FRYL: variants seen among roughly 807,000 people sequenced by gnomAD.
FRYL encodes protein furry homolog-like.
In FRYL, 150 loss-of-function variants were observed where a neutral mutation model predicts 351.2. That is an observed-to-expected ratio of 0.43 (90% CI 0.37 to 0.49). The LOEUF (loss-of-function observed/expected upper bound fraction) is 0.49. Ranked by LOEUF, FRYL falls within the 20% of genes least tolerant of loss-of-function variation. FRYL has a pLI of 0.00. For missense variants in FRYL, 3,036 were observed against 3,619.3 expected, an observed-to-expected ratio of 0.84 and a Z score of 4.13; for synonymous variants, 1,153 against 1,257.1, an observed-to-expected ratio of 0.92 and a Z score of 1.75.
intron 1 of FRYL, among the ~76,000 whole-genome samples, chr4:48,772,989 C>G (rs905163713): frequency 1.9e-4 from 29 of 152,098 alleles, no homozygotes; most frequent in African/African-American, 7.0e-4. Flanking sequence ...CTGGAAAGAT[C>G]AAGGAAGCAC....
At chr4:48,760,117 A>G (rs1774245295) in intron 1 of FRYL, among the ~76,000 whole-genome samples, 1 of 151,916 alleles carries the variant, frequency 6.6e-6, no homozygotes, top group Non-Finnish European at 1.5e-5. Flanking sequence ...GTACAACAGA[A>G]CCAAGATTCA....
chr4:48,648,610 T>A (rs951354825), intron 3 of FRYL, among the ~76,000 whole-genome samples: 10 of 152,208 alleles, frequency 6.6e-5, no homozygotes, highest in African/African-American at 2.2e-4. Context: ...CTTTTGCTTA[T>A]CTGAGCCCCA....
At chr4:48,609,276 C>T (rs1222909066) in intron 8 of FRYL, among the ~76,000 whole-genome samples, 1 of 152,136 alleles carries the variant, frequency 6.6e-6, no homozygotes, top group Non-Finnish European at 1.5e-5. Context: ...ATCTGTAGTA[C>T]TAAGAATTAT....
chr4:48,582,435 A>T, intron 20 of FRYL, 62 bp downstream of exon 20: 1 of 1,006,280 alleles, frequency 9.9e-7, no homozygotes. Context: ...TCTGTATTAA[A>T]ACCATTATTG....
rs1579015521 is a variant in FRYL, at chr4:48,780,139, C to T, written c.-445G>A. On this transcript the variant is annotated 5_prime_UTR_variant, in exon 1 of 64. Coordinates refer to ENST00000358350, the MANE Select transcript of FRYL (RefSeq NM_015030.2). ...AGCGCCGCCGGTCCCCGCCCTCGGG[C>T]CCCTGGCTCCGTTCTCTTGACAATG... 1 of 155,122 alleles carries T rather than the reference C, an allele frequency of 6.4e-6. No individual in the cohort carries two copies. The highest frequency in any genetic ancestry group is 1.4e-5 in the Non-Finnish European group (1 of 70,072). The allele number at this position is 155,122 out of a possible 1,614,324, so 9.6% of individuals were successfully genotyped here.
chr4:48,591,129 C>T (rs1220305656), intron 16 of FRYL, among the ~76,000 whole-genome samples: 1 of 152,106 alleles, frequency 6.6e-6, no homozygotes, highest in Non-Finnish European at 1.5e-5. Context: ...GTCCCCTCCC[C>T]TTTCTAGGCA....
At chr4:48,505,289 A>G (rs1210224035) in intron 60 of FRYL, 5 of 508,750 alleles carry the variant, frequency 9.8e-6, no homozygotes, top group South Asian at 2.1e-5. Context: ...TGGACTGTCC[A>G]GATATCCATC....
At position 48,567,409 on chromosome 4, in the gene FRYL, C is replaced by A; in HGVS notation, c.3008G>T (p.Gly1003Val). 1 of 1,601,128 alleles carries A rather than the reference C, an allele frequency of 6.2e-7. No homozygotes were observed. Among genetic ancestry groups the A allele is most frequent in the Non-Finnish European group, 8.5e-7 (1 of 1,175,540 alleles). Residue 1003 changes from glycine (G) to valine (V), a missense_variant, in exon 28 of 64, where the codon GGC becomes GTC. By Grantham distance (109) the Gly-to-Val change is moderately radical. This residue lies in a region of FRYL where 492 missense variants were observed against 551.5 expected (regional missense o/e 0.89). Transcript: ENST00000358350. The surrounding 1 kb of genome is among the most constrained non-coding windows in gnomAD (Gnocchi z 4.2). ...AGVISHSASG[G>V]LDNETHFLNN... ...GAGAAAATGTGTTTCATTATCAAGG[C>A]CACCACTTGCACTGAAAATATTGAA...
chr4:48,731,522 G>A lies in FRYL; in HGVS notation c.-383-20824C>T, dbSNP rs1239894745. Among the ~76,000 whole-genome samples, 4 of 152,268 alleles carry A rather than the reference G, an allele frequency of 2.6e-5. No homozygotes were observed. In the East Asian group the frequency reaches 7.7e-4, roughly 29 times the overall value. The stretch of plus-strand genomic sequence containing the variant: ...CAAAGCTGGAGGCATCAGGCTACCT[G>A]ACTTCAAACTTTACTACAAGGCTAC... On this transcript the variant is annotated intron_variant, in intron 1 of 63. Transcript: ENST00000358350.
At chr4:48,757,462 C>T (rs1368936178) in intron 1 of FRYL, among the ~76,000 whole-genome samples, 1 of 152,050 alleles carries the variant, frequency 6.6e-6, no homozygotes, top group Non-Finnish European at 1.5e-5. Context: ...AAACAGAGAA[C>T]CAAATCATGA....
At chr4:48,598,365 G>A (rs962118693) in intron 13 of FRYL, among the ~76,000 whole-genome samples, 1 of 152,112 alleles carries the variant, frequency 6.6e-6, no homozygotes, top group African/African-American at 2.4e-5. Flanking sequence ...TCCATGGTGT[G>A]CTTACTTCAC....
At chr4:48,518,692 GCTT>G (rs1724196976) in intron 55 of FRYL, among the ~76,000 whole-genome samples, 1 of 152,068 alleles carries the variant, frequency 6.6e-6, no homozygotes, top group African/African-American at 2.4e-5. Context: ...TTAAACTGCT[GCTT>G]CTTCTGCCTG....
intron 3 of FRYL, among the ~76,000 whole-genome samples, chr4:48,671,899 A>G (rs1762825848): frequency 6.7e-6 from 1 of 148,650 alleles, no homozygotes; most frequent in Non-Finnish European, 1.5e-5. Flanking sequence ...AAAGAAGGAA[A>G]GACAGAAAAA....
At chr4:48,660,802 C>A (rs922265299) in intron 3 of FRYL, among the ~76,000 whole-genome samples, 16 of 152,024 alleles carry the variant, frequency 1.1e-4, no homozygotes, top group Admixed American at 7.9e-4. Context: ...ACCTTTAAGC[C>A]CAGTCTAACC....
At chr4:48,559,439 A>C (rs1265012361) in intron 33 of FRYL, among the ~76,000 whole-genome samples, 1 of 132,970 alleles carries the variant, frequency 7.5e-6, no homozygotes, top group Non-Finnish European at 1.5e-5. Context: ...CATGTCTGTA[A>C]TCCTAAGTAT....
chr4:48,608,938 G>T, intron 9 of FRYL, 49 bp downstream of exon 9: 3 of 1,106,152 alleles, frequency 2.7e-6, no homozygotes, highest in Non-Finnish European at 4.2e-6. Flanking sequence ...TGGTAATGAA[G>T]CATTCTAAAA....
intron 49 of FRYL, among the ~76,000 whole-genome samples, chr4:48,532,070 ATCTT>A (rs1223790142): frequency 6.6e-6 from 1 of 152,170 alleles, no homozygotes; most frequent in Non-Finnish European, 1.5e-5. Flanking sequence ...ACTTTATAAT[ATCTT>A]TCTTTTACCA....
At chr4:48,595,080 A>G (rs1039192596) in intron 15 of FRYL, among the ~76,000 whole-genome samples, 1 of 152,238 alleles carries the variant, frequency 6.6e-6, no homozygotes, top group African/African-American at 2.4e-5. Context: ...TGAGGACCGT[A>G]GCAGATGCAG....
intron 45 of FRYL, 126 bp downstream of exon 45, chr4:48,541,901 C>T (rs1408544771): frequency 1.5e-6 from 1 of 674,236 alleles, no homozygotes; most frequent in African/African-American, 1.8e-5. Flanking sequence ...CATCTCCCCA[C>T]TGGTAATCCA....
Sources: gnomAD v4.1 joint callset for allele counts (sites outside exome capture counted in the v4.1 genomes callset) on GRCh38, gnomAD v4.1.1 for gene constraint, gnomAD v4.1.1 regional missense constraint, Gnocchi (gnomAD v3.1) non-coding constraint, MANE v1.5 for transcripts, NCBI Gene and HGNC (gene_info 2026-07-23, HGNC 2026-07-21) for gene names.